DOCK3: variants seen among roughly 807,000 people sequenced by gnomAD.
DOCK3 encodes the protein dedicator of cytokinesis 3, also known as dedicator of cytokinesis protein 3.
Under a neutral mutation model 265.6 loss-of-function variants are expected in DOCK3, and 60 were observed. The observed-to-expected ratio is 0.23, with a 90% CI of 0.18 to 0.28. The LOEUF is 0.28. Among genes scored for constraint, DOCK3 ranks in the 10% least tolerant of loss-of-function variants. DOCK3 has a pLI of 1.00. For synonymous variants in DOCK3, 881 were observed against 938.0 expected, an observed-to-expected ratio of 0.94 and a Z score of 1.11; for missense variants, 1,981 against 2,594.3, an observed-to-expected ratio of 0.76 and a Z score of 5.14.
intron 2 of DOCK3, among the ~76,000 whole-genome samples, chr3:50,827,386 GCTGT>G (rs1261002112): frequency 6.6e-6 from 1 of 152,166 alleles, no homozygotes; most frequent in Non-Finnish European, 1.5e-5. Context: ...TTCATAGATG[GCTGT>G]CTTTTTGGTG....
At chr3:51,008,316 G>A (rs1288666701) in intron 5 of DOCK3, among the ~76,000 whole-genome samples, 1 of 152,120 alleles carries the variant, frequency 6.6e-6, no homozygotes, top group Non-Finnish European at 1.5e-5. Flanking sequence ...GTGGTTTGTA[G>A]TTCTCCTTGA....
chr3:50,835,630 A>T (rs2045461721), intron 2 of DOCK3, among the ~76,000 whole-genome samples: 1 of 152,174 alleles, frequency 6.6e-6, no homozygotes, highest in Non-Finnish European at 1.5e-5. Context: ...ATTTTTTATT[A>T]GCCAGTTTTT....
chr3:51,256,648 C>T (rs2108725942), intron 22 of DOCK3, among the ~76,000 whole-genome samples: 1 of 149,064 alleles, frequency 6.7e-6, no homozygotes, highest in South Asian at 2.1e-4. Flanking sequence ...GGCTGGACTG[C>T]AGAGGCACAA....
intron 12 of DOCK3, among the ~76,000 whole-genome samples, chr3:51,175,499 C>T (rs561780737): frequency 6.6e-6 from 1 of 152,222 alleles, no homozygotes; most frequent in South Asian, 2.1e-4. Context: ...TATGCCTGGA[C>T]TGTGGCTGGG....
chr3:51,087,123 T>C (rs767255422), intron 7 of DOCK3, among the ~76,000 whole-genome samples: 11 of 152,220 alleles, frequency 7.2e-5, no homozygotes, highest in South Asian at 2.1e-4. Context: ...TAACTCATTC[T>C]ATGAGACCAG....
intron 27 of DOCK3, among the ~76,000 whole-genome samples, chr3:51,295,780 G>C (rs1414657534): frequency 1.3e-4 from 20 of 152,136 alleles, no homozygotes; most frequent in Non-Finnish European, 7.4e-5. Flanking sequence ...ATAAGGCGTT[G>C]GGGGGTGGGG....
chr3:51,166,564 A>G (rs2086418784), intron 12 of DOCK3, among the ~76,000 whole-genome samples: 1 of 152,184 alleles, frequency 6.6e-6, no homozygotes, highest in Non-Finnish European at 1.5e-5. Flanking sequence ...GGCTGCACCA[A>G]TTTACATTTC....
intron 5 of DOCK3, among the ~76,000 whole-genome samples, chr3:51,032,352 T>C (rs375426998): frequency 3.3e-5 from 5 of 152,316 alleles, no homozygotes; most frequent in Admixed American, 2.6e-4. Flanking sequence ...AAATCCTAAA[T>C]TGATACACTA....
intron 3 of DOCK3, among the ~76,000 whole-genome samples, chr3:50,868,672 C>A (rs974446531): frequency 2.0e-5 from 3 of 152,132 alleles, no homozygotes; most frequent in Non-Finnish European, 2.9e-5. Context: ...CTGCACCAGG[C>A]TGACTTTTTA....
At chr3:51,142,951 A>G (rs1183690154) in intron 9 of DOCK3, among the ~76,000 whole-genome samples, 1 of 151,924 alleles carries the variant, frequency 6.6e-6, no homozygotes, top group African/African-American at 2.4e-5. Flanking sequence ...CAATGGTACA[A>G]TCTCGGCTCA....
chr3:51,129,639 G>T (rs749543494), intron 9 of DOCK3, among the ~76,000 whole-genome samples: 1 of 152,124 alleles, frequency 6.6e-6, no homozygotes, highest in Non-Finnish European at 1.5e-5. Context: ...CAAACGTTCA[G>T]TTTCCACCAA....
intron 2 of DOCK3, chr3:50,787,843 A>T: frequency 9.0e-7 from 1 of 1,113,248 alleles, no homozygotes; most frequent in Admixed American, 1.8e-5. Flanking sequence ...GTTTAAGAAC[A>T]GGAGTCTCTT....
intron 1 of DOCK3, among the ~76,000 whole-genome samples, chr3:50,746,881 C>T (rs1253873809): frequency 1.3e-5 from 2 of 152,110 alleles, no homozygotes; most frequent in Non-Finnish European, 2.9e-5. Context: ...TCCTACCAGG[C>T]CCCACCTTTA....
chr3:50,741,592 A>G (rs1210343437), intron 1 of DOCK3, among the ~76,000 whole-genome samples: 2 of 151,042 alleles, frequency 1.3e-5, no homozygotes, highest in African/African-American at 4.9e-5. Context: ...TGTCCCTACA[A>G]AGGACATGAA....
chr3:50,687,864 C>CA, intron 1 of DOCK3, among the ~76,000 whole-genome samples: 1 of 152,282 alleles, frequency 6.6e-6, no homozygotes, highest in South Asian at 2.1e-4. Context: ...TAGTTGGCAA[C>CA]AAAGGTGCAC....
chr3:51,037,678 G>A (rs1183561260), intron 5 of DOCK3, among the ~76,000 whole-genome samples: 1 of 152,050 alleles, frequency 6.6e-6, no homozygotes, highest in Non-Finnish European at 1.5e-5. Flanking sequence ...ATAATCAAGT[G>A]TTTTTTCTTC....
Position 50,934,093 on chromosome 3 carries a change from C to T in DOCK3, c.315+16C>T. 6.4e-7 allele frequency: 1 copy of T among 1,556,068 alleles called. No individual in the cohort carries two copies. The highest frequency in any genetic ancestry group is 8.8e-7 in the Non-Finnish European group (1 of 1,136,504). ...GTTGTATGTGGTAAGTAGTTGATTA[C>T]TGGTTTATTGGATCATTAAAGTTTA... On this transcript the variant is annotated intron_variant, in intron 5 of 52. Transcript: ENST00000266037.
intron 3 of DOCK3, among the ~76,000 whole-genome samples, chr3:50,885,482 T>C (rs1265201269): frequency 6.6e-6 from 1 of 151,904 alleles, no homozygotes; most frequent in Non-Finnish European, 1.5e-5. Flanking sequence ...AAACTGCCAG[T>C]GTCTTTTAAA....
intron 9 of DOCK3, among the ~76,000 whole-genome samples, chr3:51,120,324 T>C (rs2083953060): frequency 6.6e-6 from 1 of 152,180 alleles, no homozygotes; most frequent in Admixed American, 6.5e-5. Flanking sequence ...TTGCTGTCTG[T>C]CCTTCTTCTG....
Sources: gnomAD v4.1 joint callset for allele counts (sites outside exome capture counted in the v4.1 genomes callset) on GRCh38, gnomAD v4.1.1 for gene constraint, MANE v1.5 for transcripts, NCBI Gene and HGNC (gene_info 2026-07-23, HGNC 2026-07-21) for gene names.